XRCC2: variants seen among roughly 807,000 people sequenced by gnomAD.
XRCC2 encodes X-ray repair cross complementing 2.
In XRCC2, 24 loss-of-function variants were observed where a neutral mutation model predicts 27.3. The observed-to-expected ratio is 0.88, with a 90% confidence interval of 0.64 to 1.24. XRCC2 has a LOEUF of 1.24. Ranked by LOEUF, XRCC2 falls within the 50% of genes most tolerant of loss-of-function variation. The pLI is 0.00. For synonymous variants in XRCC2, 106 were observed against 115.4 expected (o/e 0.92, Z 0.52); for missense variants, 321 against 325.8 (o/e 0.99, Z 0.11).
chr7:152,660,773 G>A lies in XRCC2; in HGVS notation c.49C>T (p.Arg17Ter), dbSNP rs750903875. The change falls in exon 2 of 3, where the codon CGA becomes TGA. Residue 17 changes from arginine (R) to a stop codon, truncating the protein, a stop_gained. Transcript: ENST00000359321. LOFTEE classifies it high-confidence loss of function. ...RAESGTELLA[R>*]LEGRSSLKEI... The stretch of plus-strand genomic sequence containing the variant: ...TTCAAGGAACTTCTACCTTCAAGTC[G>A]GGCAAGGAGCTTATAAAAGAAGAGA... 16 of 1,611,718 alleles carry A rather than the reference G, an allele frequency of 9.9e-6. No homozygotes were observed. Among genetic ancestry groups the A allele is most frequent in the Admixed American group, 3.3e-5 (2 of 59,734 alleles).
rs1219996290 is a variant in XRCC2, at chr7:152,645,369, A to G, written c.*3273T>C. 2.0e-5 allele frequency: 3 copies of G among 152,278 alleles called. No individual in the cohort carries two copies. The highest frequency in any genetic ancestry group is 3.9e-4 in the East Asian group (2 of 5,186). 9.4% of individuals were successfully genotyped at this position (152,278 alleles called of 1,614,324 possible). On this transcript the variant is annotated 3_prime_UTR_variant, in exon 3 of 3. Transcript: ENST00000359321. Reference sequence around the variant, plus strand: ...AGCAATCCTCCCTCCTTGGCCTCCCAAAGTGCTGGGATTACAGTTGTGAGC... The same window carrying G: ...AGCAATCCTCCCTCCTTGGCCTCCCGAAGTGCTGGGATTACAGTTGTGAGC...
Position 152,645,746 on chromosome 7 carries a change from T to TA in XRCC2, c.*2895dup, listed in dbSNP as rs930853463. On this transcript the variant is annotated 3_prime_UTR_variant, in exon 3 of 3. Coordinates refer to ENST00000359321, the MANE Select transcript of XRCC2 (RefSeq NM_005431.2). ...ATGTTTACTGAGGGATTTTTGTATATACCTTTTATCAATTCAAGGGACTCA... is the reference window on the plus strand; with the variant it reads ...ATGTTTACTGAGGGATTTTTGTATATAACCTTTTATCAATTCAAGGGACTCA... 6.6e-6 allele frequency: 1 copy of TA among 152,182 alleles called. No individual in the cohort carries two copies. The highest frequency in any genetic ancestry group is 2.4e-5 in the African/African-American group (1 of 41,442). The allele number at this position is 152,182 out of a possible 1,614,324, so 9.4% of individuals were successfully genotyped here. A position where few individuals can be genotyped will look rare whatever the true frequency, so the allele number is the denominator to read the frequency against.
chr7:152,668,466 A>G (rs2117007353), intron 1 of XRCC2, among the ~76,000 whole-genome samples: 1 of 152,310 alleles, frequency 6.6e-6, no homozygotes, highest in East Asian at 1.9e-4. Flanking sequence ...AGATTCAAGG[A>G]AAGAGTCAAT....
chr7:152,666,487 C>T (rs1486709462), intron 1 of XRCC2, among the ~76,000 whole-genome samples: 4 of 152,122 alleles, frequency 2.6e-5, no homozygotes, highest in South Asian at 2.1e-4. Flanking sequence ...GCTGGGATTA[C>T]AAGCATGAGC....
At chr7:152,649,813 AAC>A (rs1205472647) in intron 2 of XRCC2, among the ~76,000 whole-genome samples, 4 of 152,210 alleles carry the variant, frequency 2.6e-5, no homozygotes, top group Non-Finnish European at 5.9e-5. Flanking sequence ...GTTACCAGGT[AAC>A]ACAGCTGTCG....
At chr7:152,668,566 T>C (rs1207539127) in intron 1 of XRCC2, among the ~76,000 whole-genome samples, 1 of 152,224 alleles carries the variant, frequency 6.6e-6, no homozygotes, top group Non-Finnish European at 1.5e-5. Flanking sequence ...TAAATTCTGC[T>C]TGACATGACA....
At chr7:152,662,938 A>G (rs1590135172) in intron 1 of XRCC2, among the ~76,000 whole-genome samples, 1 of 152,240 alleles carries the variant, frequency 6.6e-6, no homozygotes, top group African/African-American at 2.4e-5. Flanking sequence ...AAAAAGTTCT[A>G]TGCATTAATT....
chr7:152,653,916 C>CCGGGCG (rs2098029594), intron 2 of XRCC2, among the ~76,000 whole-genome samples: 1 of 152,078 alleles, frequency 6.6e-6, no homozygotes, highest in Non-Finnish European at 1.5e-5. Context: ...AGATGGTAAG[C>CCGGGCG]CGGGCGCGGT....
chr7:152,661,953 T>C (rs1371662163), intron 1 of XRCC2, among the ~76,000 whole-genome samples: 3 of 152,300 alleles, frequency 2.0e-5, no homozygotes, highest in African/African-American at 7.2e-5. Context: ...AAAGAGTACC[T>C]GGCATATTAT....
chr7:152,651,380 G>T (rs187160579), intron 2 of XRCC2, among the ~76,000 whole-genome samples: 1 of 148,802 alleles, frequency 6.7e-6, no homozygotes, highest in Admixed American at 6.7e-5. Context: ...TTGAGCCCAA[G>T]AGTTCAATAT....
chr7:152,655,842 C>G (rs955047769), intron 2 of XRCC2, among the ~76,000 whole-genome samples: 1 of 152,022 alleles, frequency 6.6e-6, no homozygotes, highest in Non-Finnish European at 1.5e-5. Context: ...GGAACCCTGT[C>G]TCTACTAAAA....
intron 1 of XRCC2, among the ~76,000 whole-genome samples, chr7:152,669,006 A>G (rs994217849): frequency 3.3e-5 from 5 of 152,166 alleles, no homozygotes; most frequent in African/African-American, 1.2e-4. Flanking sequence ...GAATTTTTCT[A>G]CTATGCTATA....
intron 1 of XRCC2, among the ~76,000 whole-genome samples, chr7:152,665,482 C>T (rs1280209169): frequency 3.3e-5 from 4 of 121,826 alleles, no homozygotes; most frequent in Admixed American, 9.8e-5. Context: ...AACTGTAAGA[C>T]AAACCTTTTT....
intron 1 of XRCC2, among the ~76,000 whole-genome samples, chr7:152,669,104 T>G (rs3094404): frequency 0.38 from 57,706 of 151,968 alleles, 12,603 homozygotes; most frequent in Non-Finnish European, 0.47. Flanking sequence ...TCAGGCCAGG[T>G]GCAGTGGTTC....
intron 2 of XRCC2, among the ~76,000 whole-genome samples, chr7:152,657,866 A>G (rs1354152994): frequency 6.6e-6 from 1 of 152,238 alleles, no homozygotes; most frequent in Non-Finnish European, 1.5e-5. Flanking sequence ...AATATTTAAC[A>G]CAAAAGAAAA....
Position 152,648,549 on chromosome 7 carries a change from G to A in XRCC2, c.*93C>T, listed in dbSNP as rs2116986696. On this transcript the variant is annotated 3_prime_UTR_variant, in exon 3 of 3. Coordinates refer to ENST00000359321, the MANE Select transcript of XRCC2 (RefSeq NM_005431.2). ...TGCAGTGAGCCATGATTGTGCCACT[G>A]CACTCCAGCCTGGGAGACAGAGCAA... 1.5e-6 allele frequency: 2 copies of A among 1,369,612 alleles called. No individual in the cohort carries two copies. The highest frequency in any genetic ancestry group is 9.7e-7 in the Non-Finnish European group (1 of 1,028,036). The allele number at this position is 1,369,612 out of a possible 1,614,324, so 84.8% of individuals were successfully genotyped here. A position where few individuals can be genotyped will look rare whatever the true frequency, so the allele number is the denominator to read the frequency against.
rs2098027032 is a variant in XRCC2 at position 152,648,567 on chromosome 7, CAG to C, written c.*73_*74del. On this transcript the variant is annotated 3_prime_UTR_variant, in exon 3 of 3. Transcript: ENST00000359321. The stretch of plus-strand genomic sequence containing the variant: ...TGCCACTGCACTCCAGCCTGGGAGA[CAG>C]AGCAAGACTCTGTCTTAAGAAAAAT... The C allele has an allele frequency of 4.0e-5, 58 of 1,466,450 alleles. No individual in the cohort carries two copies. The South Asian group carries it at 8.1e-4, about 20-fold the overall frequency. The allele number at this position is 1,466,450 out of a possible 1,614,324, so 90.8% of individuals were successfully genotyped here. A position where few individuals can be genotyped will look rare whatever the true frequency, so the allele number is the denominator to read the frequency against.
chr7:152,647,286 G>C lies in XRCC2; in HGVS notation c.*1356C>G, dbSNP rs1418716980. 4 of 151,516 alleles carry C rather than the reference G, an allele frequency of 2.6e-5. No homozygotes were observed. The highest frequency in any genetic ancestry group is 5.9e-5 in the Non-Finnish European group (4 of 68,018). 9.4% of individuals were successfully genotyped at this position (151,516 alleles called of 1,614,324 possible). A position where few individuals can be genotyped will look rare whatever the true frequency, so the allele number is the denominator to read the frequency against. Reference sequence around the variant, plus strand: ...TCTAAATTTGTTTAAATTACGTATAGATGCTGGATTTCAGACCTTTCTCAG... The same window carrying C: ...TCTAAATTTGTTTAAATTACGTATACATGCTGGATTTCAGACCTTTCTCAG... On this transcript the variant is annotated 3_prime_UTR_variant, in exon 3 of 3. Transcript: ENST00000359321.
rs1296193860 is a variant in XRCC2 at position 152,649,248 on chromosome 7, T to C, written c.237A>G (p.Leu79=). The part of the protein sequence containing the change: ...KSEGGLEVEV[L]FIDTDYHFDM... ...CAAAGTGGTAATCTGTATCAATAAATAAGACTTCTACTTCCAGGCCACCTT... is the reference window on the plus strand; with the variant it reads ...CAAAGTGGTAATCTGTATCAATAAACAAGACTTCTACTTCCAGGCCACCTT... The change falls in exon 3 of 3, where the codon TTA becomes TTG. Residue 79 remains leucine, a synonymous_variant. Transcript: ENST00000359321. 2 of 1,613,740 alleles carry C rather than the reference T, an allele frequency of 1.2e-6. No individual in the cohort carries two copies. Among genetic ancestry groups the C allele is most frequent in the Admixed American group, 3.3e-5 (2 of 59,986 alleles).
Sources: allele counts gnomAD v4.1 joint callset (sites outside exome capture counted in the v4.1 genomes callset), GRCh38; gene constraint gnomAD v4.1.1; transcripts MANE v1.5; gene names NCBI Gene and HGNC (gene_info 2026-07-23, HGNC 2026-07-21).